MPP7: variants seen among roughly 807,000 people sequenced by gnomAD.
MPP7 encodes the protein MAGUK p55 scaffold protein 7.
Under a neutral mutation model 76.5 loss-of-function variants are expected in MPP7, and 60 were observed. That is an observed-to-expected ratio of 0.78 (90% CI 0.64 to 0.97). The LOEUF is 0.97. MPP7 is among the 50% of genes least tolerant of loss of function. The pLI is 0.00. For synonymous variants in MPP7, 237 were observed against 244.5 expected, an observed-to-expected ratio of 0.97 and a Z score of 0.29; for missense variants, 641 against 694.0, an observed-to-expected ratio of 0.92 and a Z score of 0.86.
chr10:28,219,390 G>A lies in MPP7; in HGVS notation c.38-17119C>T, dbSNP rs537313630. Among the ~76,000 whole-genome samples, 7 of 152,234 alleles carry A rather than the reference G, an allele frequency of 4.6e-5. No homozygotes were observed. In the South Asian group the frequency reaches 1.0e-3, roughly 23 times the overall value. Reference sequence around the variant, plus strand: ...AATTTGATGAAAGTGTTCCCGCAGCGAACAATTCACTCTGCTTGCAGATTC... The same window carrying A: ...AATTTGATGAAAGTGTTCCCGCAGCAAACAATTCACTCTGCTTGCAGATTC... On this transcript the variant is annotated intron_variant, in intron 2 of 16. Coordinates refer to ENST00000683449, the MANE Select transcript of MPP7 (RefSeq NM_001318170.2).
intron 2 of MPP7, among the ~76,000 whole-genome samples, chr10:28,324,698 C>T (rs772105861): frequency 1.3e-5 from 2 of 152,158 alleles, no homozygotes; most frequent in Non-Finnish European, 2.9e-5. Flanking sequence ...ACAGGTTTAA[C>T]AATGCCATGA....
At chr10:28,217,526 C>CAAAA (rs773506497) in intron 2 of MPP7, among the ~76,000 whole-genome samples, 31 of 58,946 alleles carry the variant, frequency 5.3e-4, no homozygotes, top group African/African-American at 1.8e-3. Flanking sequence ...GACTCTGTCT[C>CAAAA]AAAAAAAAAA....
intron 5 of MPP7, among the ~76,000 whole-genome samples, chr10:28,136,416 A>C (rs73606083): frequency 0.022 from 3,276 of 152,202 alleles, 98 homozygotes; most frequent in African/African-American, 0.072. Context: ...ACTGGTAGTT[A>C]ATCAAGATAA....
chr10:28,180,085 AT>A (rs1487530148), intron 3 of MPP7, among the ~76,000 whole-genome samples: 1 of 152,336 alleles, frequency 6.6e-6, no homozygotes, highest in Non-Finnish European at 1.5e-5. Context: ...TTCAAAAAAA[AT>A]AGGAAAGTTT....
chr10:28,218,773 C>G (rs1838398422), intron 2 of MPP7, among the ~76,000 whole-genome samples: 1 of 151,950 alleles, frequency 6.6e-6, no homozygotes, highest in Non-Finnish European at 1.5e-5. Context: ...TTTAAAAACA[C>G]CAGAATTTTT....
chr10:28,268,686 G>A (rs1367489266), intron 1 of MPP7, among the ~76,000 whole-genome samples: 1 of 150,372 alleles, frequency 6.7e-6, no homozygotes, highest in African/African-American at 2.5e-5. Flanking sequence ...AGTGAGCCGA[G>A]AATGCACCAC....
intron 11 of MPP7, among the ~76,000 whole-genome samples, chr10:28,111,254 G>GTTTTTT (rs1432901788): frequency 1.2e-4 from 18 of 151,652 alleles, no homozygotes; most frequent in Non-Finnish European, 2.9e-5. Flanking sequence ...TCTTAGCAAA[G>GTTTTTT]CCAAAGGAAA....
intron 1 of MPP7, among the ~76,000 whole-genome samples, chr10:28,332,501 A>G (rs992263430): frequency 5.3e-5 from 8 of 152,184 alleles, no homozygotes; most frequent in Admixed American, 2.0e-4. Context: ...ATTAGAATAT[A>G]AATAGTATAA....
chr10:28,251,284 G>A (rs574286755), intron 1 of MPP7, among the ~76,000 whole-genome samples: 149 of 152,236 alleles, frequency 9.8e-4, no homozygotes, highest in African/African-American at 3.3e-3. Flanking sequence ...GGCCAACATG[G>A]TGAAACCCCA....
At chr10:28,220,067 T>G (rs1235812510) in intron 2 of MPP7, among the ~76,000 whole-genome samples, 1 of 152,182 alleles carries the variant, frequency 6.6e-6, no homozygotes, top group Admixed American at 6.5e-5. Flanking sequence ...TAAATAATTA[T>G]AGTATTGCAG....
At chr10:28,153,332 G>A (rs1013951623) in intron 3 of MPP7, among the ~76,000 whole-genome samples, 1 of 152,182 alleles carries the variant, frequency 6.6e-6, no homozygotes, top group Non-Finnish European at 1.5e-5. Context: ...AGAAGGAGAT[G>A]AGGGAGGAAA....
intron 12 of MPP7, among the ~76,000 whole-genome samples, chr10:28,079,014 T>C (rs1436873001): frequency 6.6e-6 from 1 of 152,206 alleles, no homozygotes; most frequent in African/African-American, 2.4e-5. Context: ...CAGCTTTAAT[T>C]TACATAGAAG....
chr10:28,331,919 C>T (rs767358468), intron 1 of MPP7, among the ~76,000 whole-genome samples: 1 of 152,112 alleles, frequency 6.6e-6, no homozygotes, highest in Non-Finnish European at 1.5e-5. Flanking sequence ...AATTTGTATT[C>T]CTACAATTCA....
At chr10:28,200,596 TAAC>T (rs1429355179) in intron 3 of MPP7, among the ~76,000 whole-genome samples, 1 of 152,204 alleles carries the variant, frequency 6.6e-6, no homozygotes, top group Non-Finnish European at 1.5e-5. Flanking sequence ...TTAATAGAAA[TAAC>T]AACCATCTCT....
At chr10:28,120,436 T>A (rs750038612) in intron 9 of MPP7, 46 bp from the exon 10 acceptor site, 277 of 1,562,280 alleles carry the variant, frequency 1.8e-4, no homozygotes, top group Non-Finnish European at 2.4e-4. Context: ...AAAAAATAAA[T>A]GTGAAATGGC....
At chr10:28,178,660 T>C (rs1340548878) in intron 3 of MPP7, among the ~76,000 whole-genome samples, 2 of 152,084 alleles carry the variant, frequency 1.3e-5, no homozygotes, top group African/African-American at 2.4e-5. Context: ...TCTTCTAATC[T>C]TTACAATGGG....
intron 3 of MPP7, among the ~76,000 whole-genome samples, chr10:28,150,279 C>T (rs1207111851): frequency 1.3e-5 from 2 of 152,166 alleles, no homozygotes; most frequent in East Asian, 1.9e-4. Flanking sequence ...CCAGTGTTTA[C>T]AACATGGAGT....
intron 3 of MPP7, among the ~76,000 whole-genome samples, chr10:28,172,698 G>T (rs1836723710): frequency 2.0e-5 from 3 of 152,174 alleles, no homozygotes; most frequent in Admixed American, 1.3e-4. Flanking sequence ...CCGAGCTATA[G>T]AAATTACACC....
chr10:28,298,425 T>C, intron 1 of MPP7, among the ~76,000 whole-genome samples: 1 of 152,300 alleles, frequency 6.6e-6, no homozygotes, highest in East Asian at 1.9e-4. Context: ...ACCAGGTGCA[T>C]TGTCAATGAG....
Sources: gnomAD v4.1 joint callset for allele counts (sites outside exome capture counted in the v4.1 genomes callset) on GRCh38, gnomAD v4.1.1 for gene constraint, MANE v1.5 for transcripts, NCBI Gene and HGNC (gene_info 2026-07-23, HGNC 2026-07-21) for gene names.